Variants in SNRK observed in about 807,000 individuals in gnomAD.
SNRK encodes SNF related kinase, also known as SNF-related serine/threonine-protein kinase.
Under a neutral mutation model 48.2 loss-of-function variants are expected in SNRK, and 3 were observed. The observed-to-expected ratio is 0.06, with a 90% confidence interval of 0.03 to 0.16. The LOEUF is 0.16. SNRK is among the 10% of genes least tolerant of loss of function. The pLI is 1.00. For missense variants in SNRK, 627 were observed against 976.0 expected, an observed-to-expected ratio of 0.64 and a Z score of 4.76; for synonymous variants, 376 against 366.1, an observed-to-expected ratio of 1.03 and a Z score of -0.31.
At chr3:43,325,694 C>T (rs2091091933) in intron 3 of SNRK, among the ~76,000 whole-genome samples, 1 of 152,012 alleles carries the variant, frequency 6.6e-6, no homozygotes, top group Non-Finnish European at 1.5e-5. Flanking sequence ...ATATAATAAG[C>T]CTAAAAATTG....
In SNRK at chr3:43,291,747, A is replaced by G. The variant is rs956358731; in HGVS notation, c.-169+5072A>G. ...GTCATGCCACTCTGCATATGTGCTT[A>G]ATAAATGAATTCTGATCATTCCTGA... On this transcript the variant is annotated intron_variant, in intron 1 of 6. Transcript: ENST00000296088. 2.0e-5 allele frequency among the ~76,000 whole-genome samples: 3 copies of G among 152,360 alleles called. No homozygotes were observed. The South Asian group carries it at 6.2e-4, about 32-fold the overall frequency.
At chr3:43,345,223 G>T (rs2091266705) in intron 6 of SNRK, among the ~76,000 whole-genome samples, 1 of 152,224 alleles carries the variant, frequency 6.6e-6, no homozygotes, top group Admixed American at 6.5e-5. Flanking sequence ...CACTGGCAGT[G>T]GCAGTGTCTC....
chr3:43,296,853 G>A (rs1015321622), intron 1 of SNRK, among the ~76,000 whole-genome samples: 1 of 152,152 alleles, frequency 6.6e-6, no homozygotes, highest in Non-Finnish European at 1.5e-5. Context: ...CGTGTGTAGG[G>A]CCACCCACAC....
At chr3:43,317,171 G>A (rs1031798250) in intron 3 of SNRK, among the ~76,000 whole-genome samples, 3 of 152,148 alleles carry the variant, frequency 2.0e-5, no homozygotes, top group Non-Finnish European at 4.4e-5. Flanking sequence ...GAACTCATAC[G>A]CTGAATCTGG....
chr3:43,296,415 C>CATATATAT (rs371078181), intron 1 of SNRK, among the ~76,000 whole-genome samples: 36,660 of 126,876 alleles, frequency 0.29, 5,905 homozygotes, highest in East Asian at 0.39. Flanking sequence ...GATATACTGG[C>CATATATAT]ATATATATAT....
intron 1 of SNRK, among the ~76,000 whole-genome samples, chr3:43,298,009 A>G (rs1018447611): frequency 2.0e-5 from 3 of 152,160 alleles, no homozygotes; most frequent in Admixed American, 1.3e-4. Context: ...TTCTGCTTGG[A>G]TGGTGGGAAC....
intron 1 of SNRK, among the ~76,000 whole-genome samples, chr3:43,294,523 A>G (rs2090837597): frequency 6.6e-6 from 1 of 152,122 alleles, no homozygotes; most frequent in South Asian, 2.1e-4. Context: ...TCTTGTTGGC[A>G]CTGAAAGTTT....
At chr3:43,294,827 T>A (rs899729634) in intron 1 of SNRK, among the ~76,000 whole-genome samples, 1 of 152,112 alleles carries the variant, frequency 6.6e-6, no homozygotes, top group Non-Finnish European at 1.5e-5. Context: ...GGAGTTAAAG[T>A]GAGTTTTGAC....
chr3:43,325,048 C>T (rs879313768), intron 3 of SNRK, among the ~76,000 whole-genome samples: 1 of 152,206 alleles, frequency 6.6e-6, no homozygotes, highest in African/African-American at 2.4e-5. Flanking sequence ...AAAGAGAACC[C>T]ATTTTCTTAG....
At chr3:43,294,618 G>C (rs1194008512) in intron 1 of SNRK, among the ~76,000 whole-genome samples, 3 of 152,022 alleles carry the variant, frequency 2.0e-5, no homozygotes, top group Admixed American at 6.6e-5. Flanking sequence ...TTTTCAGAAA[G>C]GTAGCTTGCT....
chr3:43,347,814 C>T lies in SNRK; in HGVS notation c.1555C>T (p.Pro519Ser), dbSNP rs1459214141. The part of the protein sequence containing the change: ...LSRLKMNIAS[P>S]GTVHKRYHRR... Reference sequence around the variant, plus strand: ...CAGGTTAAAGATGAATATAGCTTCTCCAGGTACAGTTCACAAACGCTACCA... The same window carrying T: ...CAGGTTAAAGATGAATATAGCTTCTTCAGGTACAGTTCACAAACGCTACCA... Residue 519 changes from proline to serine, a missense_variant, in exon 7 of 7, where the codon CCA (proline) becomes TCA (serine). Around this residue, in one of 4 missense-constraint regions of SNRK, gnomAD observed 98 missense variants for 175.2 expected, o/e 0.56. Transcript: ENST00000296088. This position sits in a 1 kb window ranked among gnomAD's most constrained non-coding sequence, Gnocchi z 5.4. 6.2e-7 allele frequency: 1 copy of T among 1,614,042 alleles called. No homozygotes were observed. The highest frequency in any genetic ancestry group is 8.5e-7 in the Non-Finnish European group (1 of 1,180,038).
At chr3:43,313,575 A>G (rs914086655) in intron 3 of SNRK, among the ~76,000 whole-genome samples, 2 of 152,202 alleles carry the variant, frequency 1.3e-5, no homozygotes, top group South Asian at 2.1e-4. Context: ...AAAAGATAGC[A>G]TGAAGGAGCC....
In SNRK at chr3:43,303,377, T is replaced by G. The variant is rs1169765046; in HGVS notation, c.174T>G (p.Gly58=). Residue 58 remains glycine, a synonymous_variant, in exon 3 of 7, where the codon GGT becomes GGG. Transcript: ENST00000296088. The surrounding 1 kb of genome is among the most constrained non-coding windows in gnomAD (Gnocchi z 6.2). ...CAAAACTGGACACTCTAGCTACTGG[T>G]CATCTTTTCCAGGAAGTGAGATGCA... is the stretch of plus-strand genomic sequence containing the variant. ...DKTKLDTLAT[G]HLFQEVRCMK... 1 of 1,614,044 alleles carries G rather than the reference T, an allele frequency of 6.2e-7. No homozygotes were observed. Among genetic ancestry groups the G allele is most frequent in the Non-Finnish European group, 8.5e-7 (1 of 1,180,044 alleles).
At chr3:43,301,500 T>A (rs1575534334) in intron 2 of SNRK, among the ~76,000 whole-genome samples, 1 of 152,128 alleles carries the variant, frequency 6.6e-6, no homozygotes, top group African/African-American at 2.4e-5. Context: ...GCACGGTGGC[T>A]CCAGCCTGTA....
At chr3:43,297,571 A>ATT (rs146345764) in intron 1 of SNRK, among the ~76,000 whole-genome samples, 1 of 150,632 alleles carries the variant, frequency 6.6e-6, no homozygotes, top group African/African-American at 2.4e-5. Context: ...GGGATAATGG[A>ATT]TTTTTTTTTC....
chr3:43,326,278 A>ATG lies in SNRK; in HGVS notation c.590-5877_590-5876dup, dbSNP rs373729076. On this transcript the variant is annotated intron_variant, in intron 3 of 6. Transcript: ENST00000296088. ...TCTCCTTTTCTTCTTAGCTTTGTGTATGTGTGTGTGTGTGTAGGATTGGGA... is the reference window on the plus strand; with the variant it reads ...TCTCCTTTTCTTCTTAGCTTTGTGTATGTGTGTGTGTGTGTGTAGGATTGGGA... Among the ~76,000 whole-genome samples the ATG allele has an allele frequency of 7.2e-3, 1,084 of 151,160 alleles. 7 individuals carry two copies. Among genetic ancestry groups the ATG allele is most frequent in the African/African-American group, 0.023 (954 of 41,250 alleles).
rs1312122954 is a variant in SNRK at position 43,350,317 on chromosome 3, A to G, written c.*1760A>G. The G allele has an allele frequency of 6.6e-6, 1 of 152,662 alleles. No individual in the cohort carries two copies. The highest frequency in any genetic ancestry group is 2.4e-5 in the African/African-American group (1 of 41,458). The allele number at this position is 152,662 out of a possible 1,614,324, so 9.5% of individuals were successfully genotyped here. ...GCCAGAAATAAGATGTGTGGTTCAC[A>G]TAGATAGTGAGCGTAACATCTGTAT... On this transcript the variant is annotated 3_prime_UTR_variant, in exon 7 of 7. Transcript: ENST00000296088.
chr3:43,287,696 A>G (rs1055854601), intron 1 of SNRK, among the ~76,000 whole-genome samples: 1 of 152,208 alleles, frequency 6.6e-6, no homozygotes, highest in Non-Finnish European at 1.5e-5. Flanking sequence ...ATCTCCACCA[A>G]GTTCCTATCA....
Position 43,303,913 on chromosome 3 carries a change from A to G in SNRK, c.589+121A>G. ...CTGTTAAATTGGCCTTAACTAGCAA[A>G]TTGGGTTTCATAAATGCCATATATG... On this transcript the variant is annotated intron_variant, in intron 3 of 6. Coordinates refer to ENST00000296088, the MANE Select transcript of SNRK (RefSeq NM_017719.5). This position sits in a 1 kb window ranked among gnomAD's most constrained non-coding sequence, Gnocchi z 6.2. 1 of 712,112 alleles carries G rather than the reference A, an allele frequency of 1.4e-6. No individual in the cohort carries two copies. The highest frequency in any genetic ancestry group is 2.3e-6 in the Non-Finnish European group (1 of 430,278). 44.1% of individuals were successfully genotyped at this position (712,112 alleles called of 1,614,324 possible).
Sources: gnomAD v4.1 joint callset for allele counts (sites outside exome capture counted in the v4.1 genomes callset) on GRCh38, gnomAD v4.1.1 for gene constraint, gnomAD v4.1.1 regional missense constraint, Gnocchi (gnomAD v3.1) non-coding constraint, MANE v1.5 for transcripts, NCBI Gene and HGNC (gene_info 2026-07-23, HGNC 2026-07-21) for gene names.